Variants in AKAP13 observed in about 807,000 individuals in gnomAD.
AKAP13 encodes A-kinase anchor protein 13.
AKAP13 carries 80 observed loss-of-function variants against 264.5 expected under a neutral mutation model. The ratio of observed to expected loss-of-function variants is 0.30; its 90% CI spans 0.25 to 0.36. The LOEUF (loss-of-function observed/expected upper bound fraction) is 0.36. Among genes scored for constraint, AKAP13 ranks in the 10% least tolerant of loss-of-function variants. The pLI, the probability that AKAP13 is intolerant of heterozygous loss-of-function variation, is 1.00. For synonymous variants in AKAP13, 1,380 were observed against 1,250.2 expected, an observed-to-expected ratio of 1.10 and a Z score of -2.19; for missense variants, 3,712 against 3,435.2, an observed-to-expected ratio of 1.08 and a Z score of -2.01.
At chr15:85,544,144 G>C (rs1391504509) in intron 5 of AKAP13, 189 bp downstream of exon 5, 2 of 733,996 alleles carry the variant, frequency 2.7e-6, no homozygotes, top group Non-Finnish European at 4.8e-6. Flanking sequence ...AGAGAGAAAC[G>C]TAAGTCGTGT....
intron 3 of AKAP13, among the ~76,000 whole-genome samples, chr15:85,532,388 G>T (rs1020023442): frequency 1.3e-5 from 2 of 152,222 alleles, no homozygotes; most frequent in African/African-American, 2.4e-5. Flanking sequence ...AAATTCAGTC[G>T]CAGGGACCAT....
chr15:85,741,834 C>G (rs1309227021), intron 35 of AKAP13, among the ~76,000 whole-genome samples: 1 of 151,930 alleles, frequency 6.6e-6, no homozygotes, highest in African/African-American at 2.4e-5. Context: ...CTCTTGAGGC[C>G]AGGAGTTTGA....
At chr15:85,619,621 T>C (rs2081085622) in intron 8 of AKAP13, 1 of 985,970 alleles carries the variant, frequency 1.0e-6, no homozygotes, top group African/African-American at 1.7e-5. Flanking sequence ...GTCGTCTTCC[T>C]TTCTTTCTCT....
chr15:85,482,493 A>T (rs189291504), intron 1 of AKAP13, among the ~76,000 whole-genome samples: 410 of 152,306 alleles, frequency 2.7e-3, no homozygotes, highest in Non-Finnish European at 4.1e-3. Flanking sequence ...GCACAATGAC[A>T]GCTGAATTAA....
chr15:85,738,234 C>T (rs899706502), intron 33 of AKAP13, among the ~76,000 whole-genome samples: 35 of 151,584 alleles, frequency 2.3e-4, no homozygotes, highest in Non-Finnish European at 5.0e-4. Flanking sequence ...CCTGTCTCTA[C>T]TAAAAATATT....
chr15:85,522,592 C>A (rs1033462114), intron 3 of AKAP13, among the ~76,000 whole-genome samples: 2 of 152,070 alleles, frequency 1.3e-5, no homozygotes, highest in African/African-American at 4.8e-5. Context: ...TGTACCAGAT[C>A]CTTGTACATT....
chr15:85,664,484 T>C (rs1460810720), intron 12 of AKAP13, 79 bp from the exon 13 acceptor site: 6 of 1,399,406 alleles, frequency 4.3e-6, no homozygotes, highest in African/African-American at 2.9e-5. Flanking sequence ...AAGGGAGATA[T>C]ACCCAAAGGG....
At chr15:85,714,618 G>T (rs1209175266) in intron 19 of AKAP13, among the ~76,000 whole-genome samples, 1 of 152,178 alleles carries the variant, frequency 6.6e-6, no homozygotes, top group East Asian at 1.9e-4. Flanking sequence ...CATGGTGAAC[G>T]GTCCTAAAGA....
intron 9 of AKAP13, among the ~76,000 whole-genome samples, chr15:85,641,339 G>A (rs980462028): frequency 5.3e-5 from 8 of 150,666 alleles, no homozygotes; most frequent in African/African-American, 1.2e-4. Context: ...CCAGATACTC[G>A]GGAGACTGAG....
chr15:85,541,626 T>A (rs1477633554), intron 4 of AKAP13, among the ~76,000 whole-genome samples: 1 of 152,226 alleles, frequency 6.6e-6, no homozygotes, highest in Non-Finnish European at 1.5e-5. Context: ...ACAGAAGAAC[T>A]TTTGATTTTA....
intron 10 of AKAP13, among the ~76,000 whole-genome samples, chr15:85,650,755 CAAAAAAAAAAAAAAAAA>C (rs66624781): frequency 1.6e-3 from 51 of 32,622 alleles, no homozygotes; most frequent in South Asian, 0.012. Context: ...GACTCCATCT[CAAAAAAAAAAAAAAAAA>C]AAAAAAAAAA....
At chr15:85,519,022 CAT>C (rs1316646386) in intron 2 of AKAP13, among the ~76,000 whole-genome samples, 3 of 152,090 alleles carry the variant, frequency 2.0e-5, no homozygotes, top group Non-Finnish European at 4.4e-5. Flanking sequence ...TGTTGGGTCT[CAT>C]ATGAGGACAA....
intron 1 of AKAP13, among the ~76,000 whole-genome samples, chr15:85,398,230 G>C (rs1191660625): frequency 6.6e-6 from 1 of 152,108 alleles, no homozygotes; most frequent in Non-Finnish European, 1.5e-5. Context: ...TATTTTTATG[G>C]TTAATCTCTT....
intron 10 of AKAP13, among the ~76,000 whole-genome samples, chr15:85,648,027 T>TA (rs939625054): frequency 8.0e-4 from 118 of 147,764 alleles, no homozygotes; most frequent in African/African-American, 7.7e-4. Context: ...GTTATTTTAT[T>TA]TTTTTTTTAA....
chr15:85,658,444 T>C (rs755895299), intron 11 of AKAP13, 93 bp from the exon 12 acceptor site: 90 of 1,049,830 alleles, frequency 8.6e-5, no homozygotes, highest in East Asian at 1.3e-4. Context: ...TTGAGCAGTG[T>C]CTCTCTCCCC....
intron 1 of AKAP13, among the ~76,000 whole-genome samples, chr15:85,421,154 GA>G (rs1041243133): frequency 5.9e-5 from 9 of 152,200 alleles, no homozygotes; most frequent in African/African-American, 2.2e-4. Context: ...ACTATTTTGT[GA>G]AATCTCCAGG....
intron 2 of AKAP13, among the ~76,000 whole-genome samples, chr15:85,498,012 T>C (rs1009959500): frequency 1.3e-5 from 2 of 151,918 alleles, no homozygotes; most frequent in African/African-American, 2.4e-5. Context: ...GGATTTTGTC[T>C]GGTAGAATGA....
intron 5 of AKAP13, among the ~76,000 whole-genome samples, chr15:85,572,190 A>G (rs982094567): frequency 6.6e-6 from 1 of 152,138 alleles, no homozygotes; most frequent in African/African-American, 2.4e-5. Context: ...GTGTCCTCTA[A>G]TCTTGTTATA....
At chr15:85,550,452 A>G (rs1240445617) in intron 5 of AKAP13, among the ~76,000 whole-genome samples, 1 of 152,212 alleles carries the variant, frequency 6.6e-6, no homozygotes, top group African/African-American at 2.4e-5. Flanking sequence ...TAAGCTCTCA[A>G]GTCCTTCTTA....
Sources: gnomAD v4.1 joint callset for allele counts (sites outside exome capture counted in the v4.1 genomes callset) on GRCh38, gnomAD v4.1.1 for gene constraint, MANE v1.5 for transcripts, NCBI Gene and HGNC (gene_info 2026-07-23, HGNC 2026-07-21) for gene names.